ADORA2B: variants seen among roughly 807,000 people sequenced by gnomAD.
ADORA2B encodes the protein adenosine receptor A2b.
ADORA2B carries 18 observed loss-of-function variants against 20.8 expected under a neutral mutation model. That is an observed-to-expected ratio of 0.87 (90% confidence interval 0.60 to 1.29). ADORA2B has a LOEUF of 1.29. ADORA2B is among the 50% of genes most tolerant of loss of function. ADORA2B has a pLI of 0.00. For synonymous variants in ADORA2B, 179 were observed against 178.3 expected (o/e 1.00, Z -0.03); for missense variants, 441 against 422.7 (o/e 1.04, Z -0.38).
At chr17:15,951,393 A>G (rs1463511639) in intron 1 of ADORA2B, among the ~76,000 whole-genome samples, 1 of 152,206 alleles carries the variant, frequency 6.6e-6, no homozygotes, top group Non-Finnish European at 1.5e-5. Flanking sequence ...TGCACAGGCC[A>G]GGAGCCACCC....
At chr17:15,903,146 C>T in the ADORA2B span, among the ~76,000 whole-genome samples, 56 of 152,202 alleles carry the variant, frequency 3.7e-4, no homozygotes, top group South Asian at 6.2e-3. Context: ...TAAATTTTTG[C>T]TCCACTTGAA....
chr17:15,943,683 A>G (rs986075655), upstream of ADORA2B, among the ~76,000 whole-genome samples: 4 of 152,234 alleles, frequency 2.6e-5, no homozygotes, highest in Non-Finnish European at 5.9e-5. Context: ...ATGCCTTTCA[A>G]GTGTACAGTT....
In ADORA2B at chr17:15,945,367, C is replaced by A; in HGVS notation, c.119C>A (p.Thr40Lys). The A allele has an allele frequency of 6.2e-7, 1 of 1,611,824 alleles. No individual in the cohort carries two copies. Among genetic ancestry groups the A allele is most frequent in the Admixed American group, 1.7e-5 (1 of 60,000 alleles). The change falls in exon 1 of 2, where the codon ACG becomes AAG. Residue 40 changes from threonine to lysine, a missense_variant. By Grantham distance (78) the Thr-to-Lys change is moderately conservative (BLOSUM62 -1). Transcript: ENST00000304222. Reference protein sequence around the residue: ...AAVGTANTLQTPTNYFLVSLA... With the variant: ...AAVGTANTLQKPTNYFLVSLA... ...GTGGGCACGGCGAACACTCTGCAGA[C>A]GCCCACCAACTACTTCCTGGTGTCC...
At chr17:15,901,969 C>T in the ADORA2B span, among the ~76,000 whole-genome samples, 33,351 of 151,914 alleles carry the variant, frequency 0.22, 3,978 homozygotes, top group Non-Finnish European at 0.27. Flanking sequence ...TCACACCTTC[C>T]TCTCCAGCAC....
the ADORA2B span, among the ~76,000 whole-genome samples, chr17:15,852,596 A>C: frequency 6.6e-6 from 1 of 152,190 alleles, no homozygotes; most frequent in South Asian, 2.1e-4. Context: ...TTAGACACGG[A>C]CTTTAAAACA....
the ADORA2B span, among the ~76,000 whole-genome samples, chr17:15,874,548 C>T: frequency 1.3e-5 from 2 of 151,340 alleles, no homozygotes; most frequent in Admixed American, 6.6e-5. Flanking sequence ...AAATAATAAG[C>T]AGGCGTGGTG....
At chr17:15,933,301 A>G in the ADORA2B span, among the ~76,000 whole-genome samples, 6 of 152,064 alleles carry the variant, frequency 3.9e-5, no homozygotes, top group Non-Finnish European at 8.8e-5. Context: ...TGTCCTCTGC[A>G]TTTCCATATA....
At chr17:15,923,143 C>G in the ADORA2B span, among the ~76,000 whole-genome samples, 1 of 150,734 alleles carries the variant, frequency 6.6e-6, no homozygotes, top group Non-Finnish European at 1.5e-5. Flanking sequence ...GTGCCTCAGC[C>G]TCTCGAGTAG....
At chr17:15,963,041 AT>A (rs929726086) in intron 1 of ADORA2B, among the ~76,000 whole-genome samples, 2 of 152,172 alleles carry the variant, frequency 1.3e-5, no homozygotes, top group African/African-American at 4.8e-5. Flanking sequence ...ATTTGGGTAG[AT>A]TTGCTCAGTG....
the ADORA2B span, among the ~76,000 whole-genome samples, chr17:15,868,295 T>C: frequency 0.097 from 12,900 of 133,464 alleles, 2,436 homozygotes; most frequent in African/African-American, 0.31. Context: ...TGTTTATCTG[T>C]TGACCTTCCC....
chr17:15,875,865 G>A, the ADORA2B span, among the ~76,000 whole-genome samples: 1 of 152,208 alleles, frequency 6.6e-6, no homozygotes, highest in Admixed American at 6.5e-5. Context: ...ACAGGCGTGA[G>A]CCACCACACC....
chr17:15,885,545 C>T, the ADORA2B span, among the ~76,000 whole-genome samples: 3 of 152,024 alleles, frequency 2.0e-5, no homozygotes, highest in Non-Finnish European at 4.4e-5. Flanking sequence ...GAAACCCCGA[C>T]TCTACTGAAA....
the ADORA2B span, among the ~76,000 whole-genome samples, chr17:15,920,720 A>AC: frequency 3.8e-5 from 3 of 78,310 alleles, no homozygotes; most frequent in Non-Finnish European, 8.0e-5. Context: ...ACTCCGTCTC[A>AC]AAAAAAAAAA....
At chr17:15,874,058 ATGTGTGTGTG>A in the ADORA2B span, among the ~76,000 whole-genome samples, 12 of 91,228 alleles carry the variant, frequency 1.3e-4, no homozygotes, top group African/African-American at 3.8e-4. Context: ...ATATATATAT[ATGTGTGTGTG>A]TATATATATA....
chr17:15,936,301 G>GTTTA, the ADORA2B span, among the ~76,000 whole-genome samples: 2 of 151,596 alleles, frequency 1.3e-5, no homozygotes, highest in East Asian at 3.9e-4. Flanking sequence ...ACAGATTCCT[G>GTTTA]TTTATTTATT....
chr17:15,868,930 AG>A, the ADORA2B span, among the ~76,000 whole-genome samples: 1 of 151,332 alleles, frequency 6.6e-6, no homozygotes, highest in African/African-American at 2.4e-5. Flanking sequence ...AGATGTTGGG[AG>A]GGAGTACATC....
chr17:15,933,508 T>A, the ADORA2B span, among the ~76,000 whole-genome samples: 1 of 152,204 alleles, frequency 6.6e-6, no homozygotes, highest in African/African-American at 2.4e-5. Flanking sequence ...TGTAAAAGTC[T>A]TGTGCTTCTT....
chr17:15,885,726 C>CAA, the ADORA2B span, among the ~76,000 whole-genome samples: 1 of 141,456 alleles, frequency 7.1e-6, no homozygotes, highest in South Asian at 2.3e-4. Context: ...AAAAAAAAAA[C>CAA]AAAAAAAAAC....
At chr17:15,934,858 G>A in the ADORA2B span, among the ~76,000 whole-genome samples, 1 of 152,062 alleles carries the variant, frequency 6.6e-6, no homozygotes, top group Non-Finnish European at 1.5e-5. Flanking sequence ...CCAAAGTGGA[G>A]TGCAGTGGTG....
Sources: allele counts gnomAD v4.1 joint callset (sites outside exome capture counted in the v4.1 genomes callset), GRCh38; gene constraint gnomAD v4.1.1; transcripts MANE v1.5; gene names NCBI Gene and HGNC (gene_info 2026-07-23, HGNC 2026-07-21).